The following DPH6 variants were observed in gnomAD, a reference collection of about 807,000 sequenced individuals.
DPH6 encodes the protein diphthine--ammonia ligase.
Under a neutral mutation model 38.2 loss-of-function variants are expected in DPH6, and 33 were observed. The ratio of observed to expected loss-of-function variants is 0.86; its 90% CI spans 0.65 to 1.15. The LOEUF is 1.15. Among genes scored for constraint, DPH6 ranks in the 50% most tolerant of loss-of-function variants. DPH6 has a pLI of 0.00. For synonymous variants in DPH6, 108 were observed against 103.0 expected, an observed-to-expected ratio of 1.05 and a Z score of -0.30; for missense variants, 325 against 320.0, an observed-to-expected ratio of 1.02 and a Z score of -0.12.
chr15:35,540,677 A>G (rs535400568), intron 2 of DPH6, among the ~76,000 whole-genome samples: 10 of 152,196 alleles, frequency 6.6e-5, no homozygotes, highest in Admixed American at 3.3e-4. Context: ...AATATTCTAA[A>G]TAAGTGTCTC....
At chr15:35,451,587 T>TA (rs1195271069) in intron 4 of DPH6, among the ~76,000 whole-genome samples, 2 of 152,222 alleles carry the variant, frequency 1.3e-5, no homozygotes, top group East Asian at 3.8e-4. Context: ...CATTCCTCAC[T>TA]AACACCACTG....
chr15:35,238,123 C>T, intron 3 of DPH6: 1 of 1,237,404 alleles, frequency 8.1e-7, no homozygotes, highest in Non-Finnish European at 1.2e-6. Context: ...CCCATATCCC[C>T]TCCCCCGCTC....
intron 6 of DPH6, among the ~76,000 whole-genome samples, chr15:35,404,812 T>C (rs938906705): frequency 1.3e-5 from 2 of 152,150 alleles, no homozygotes; most frequent in Non-Finnish European, 2.9e-5. Flanking sequence ...ACCCGTGTCC[T>C]GGAGAAGTTC....
intron 3 of DPH6, among the ~76,000 whole-genome samples, chr15:35,493,402 T>C (rs1015805993): frequency 6.6e-6 from 1 of 152,100 alleles, no homozygotes; most frequent in Non-Finnish European, 1.5e-5. Context: ...AAAGCAGTAG[T>C]TAAAATCTTA....
intron 3 of DPH6, among the ~76,000 whole-genome samples, chr15:35,276,623 T>A (rs886608092): frequency 6.6e-6 from 1 of 152,184 alleles, no homozygotes; most frequent in Non-Finnish European, 1.5e-5. Context: ...AGGTGAAAGA[T>A]GAGGATCCAG....
At chr15:35,538,586 T>C in intron 2 of DPH6, 119 bp from the exon 3 acceptor site, 1 of 822,010 alleles carries the variant, frequency 1.2e-6, no homozygotes, top group Non-Finnish European at 1.7e-6. Flanking sequence ...CTTGCTATAC[T>C]ATGTTTCTCT....
chr15:35,291,483 ACT>A (rs2051979985), intron 3 of DPH6, among the ~76,000 whole-genome samples: 1 of 151,912 alleles, frequency 6.6e-6, no homozygotes, highest in African/African-American at 2.4e-5. Flanking sequence ...TTATGACAAA[ACT>A]CCACAGCATC....
intron 3 of DPH6, among the ~76,000 whole-genome samples, chr15:35,339,945 C>A (rs1363734348): frequency 6.6e-6 from 1 of 152,108 alleles, no homozygotes; most frequent in Non-Finnish European, 1.5e-5. Context: ...TGTTAATTTT[C>A]TGTCTCAATG....
intron 7 of DPH6, among the ~76,000 whole-genome samples, chr15:35,376,376 C>A (rs184350138): frequency 1.3e-5 from 2 of 152,130 alleles, no homozygotes; most frequent in East Asian, 3.9e-4. Context: ...AATACAGTCA[C>A]GTGCCACATA....
intron 3 of DPH6, among the ~76,000 whole-genome samples, chr15:35,511,512 G>A (rs960731857): frequency 6.6e-6 from 1 of 152,082 alleles, no homozygotes. Flanking sequence ...CCATGAAACT[G>A]TACATAGTGT....
chr15:35,291,613 G>T (rs147304830), intron 3 of DPH6, among the ~76,000 whole-genome samples: 3 of 152,008 alleles, frequency 2.0e-5, no homozygotes, highest in African/African-American at 7.2e-5. Flanking sequence ...AAGAAAAATG[G>T]CTTAAATTTT....
At chr15:35,482,448 T>C (rs1172024948) in intron 3 of DPH6, among the ~76,000 whole-genome samples, 1 of 152,150 alleles carries the variant, frequency 6.6e-6, no homozygotes, top group African/African-American at 2.4e-5. Context: ...TAATAAACAT[T>C]ATAAATTTAC....
At chr15:35,507,690 A>G (rs2054713288) in intron 3 of DPH6, among the ~76,000 whole-genome samples, 1 of 152,114 alleles carries the variant, frequency 6.6e-6, no homozygotes, top group Non-Finnish European at 1.5e-5. Flanking sequence ...AGAACTCGCT[A>G]TCCAGTGTGA....
rs537736786 is a variant in DPH6, at chr15:35,477,324, T to TG, written c.313-22505_313-22504insC. ...ATATTTGAGGGGAGTGGATTTTCTC[T>TG]TAAATATTAACTTGGAGTTGTTGCA... On this transcript the variant is annotated intron_variant, in intron 3 of 8. Transcript: ENST00000256538. Among the ~76,000 whole-genome samples the TG allele has an allele frequency of 3.5e-4, 53 of 151,998 alleles. No homozygotes were observed. In the East Asian group the frequency reaches 8.1e-3, roughly 23 times the overall value.
chr15:35,348,234 T>C (rs1054977456), intron 3 of DPH6, among the ~76,000 whole-genome samples: 2 of 152,216 alleles, frequency 1.3e-5, no homozygotes, highest in African/African-American at 2.4e-5. Context: ...AAATCCAATG[T>C]CATGAACATT....
chr15:35,198,919 T>TC, the DPH6 span, among the ~76,000 whole-genome samples: 1 of 151,968 alleles, frequency 6.6e-6, no homozygotes, highest in Non-Finnish European at 1.5e-5. Flanking sequence ...GTTGTCTTCT[T>TC]CTTTTTTTTT....
At chr15:35,445,924 C>T (rs2053846331) in intron 5 of DPH6, among the ~76,000 whole-genome samples, 1 of 152,138 alleles carries the variant, frequency 6.6e-6, no homozygotes, top group African/African-American at 2.4e-5. Context: ...TTGTGTATCA[C>T]AGTAAAAAGT....
At chr15:35,433,457 C>T (rs2053656918) in intron 5 of DPH6, among the ~76,000 whole-genome samples, 1 of 152,146 alleles carries the variant, frequency 6.6e-6, no homozygotes, top group African/African-American at 2.4e-5. Flanking sequence ...AATGAAACTG[C>T]AGAGTTATAG....
intron 5 of DPH6, among the ~76,000 whole-genome samples, chr15:35,418,611 C>T (rs1279915105): frequency 6.6e-6 from 1 of 152,100 alleles, no homozygotes; most frequent in Non-Finnish European, 1.5e-5. Flanking sequence ...GAAGCAATTA[C>T]AATTCAATTA....
Sources: allele counts gnomAD v4.1 joint callset (sites outside exome capture counted in the v4.1 genomes callset), GRCh38; gene constraint gnomAD v4.1.1; transcripts MANE v1.5; gene names NCBI Gene and HGNC (gene_info 2026-07-23, HGNC 2026-07-21).